The following DCAF4 variants were observed in gnomAD, a reference collection of about 807,000 sequenced individuals.
The protein encoded by DCAF4 is DDB1 and CUL4 associated factor 4.
A neutral mutation model predicts 60.9 loss-of-function variants in DCAF4; 37 were observed. The observed-to-expected ratio is 0.61, with a 90% CI of 0.47 to 0.80. The LOEUF (loss-of-function observed/expected upper bound fraction) is 0.80. DCAF4 is among the 30% of genes least tolerant of loss of function. DCAF4 has a pLI of 0.00. For synonymous variants in DCAF4, 243 were observed against 254.8 expected (o/e 0.95, Z 0.44); for missense variants, 577 against 650.0 (o/e 0.89, Z 1.22).
At chr14:72,958,577 T>C (rs1436413839) in intron 13 of DCAF4, 35 bp from the exon 14 acceptor site, 2 of 1,612,886 alleles carry the variant, frequency 1.2e-6, no homozygotes, top group Admixed American at 1.7e-5. Context: ...TTGCATTCTC[T>C]CACTAGCCTG....
chr14:72,954,379 C>T lies in DCAF4; in HGVS notation c.908-7C>T, dbSNP rs746320393. 4.5e-5 allele frequency: 73 copies of T among 1,614,096 alleles called. No individual in the cohort carries two copies. The highest frequency in any genetic ancestry group is 6.1e-5 in the Non-Finnish European group (72 of 1,180,010). ...TAATCTTACCAGCCCATCTCTGTCT[C>T]CGCCAGGCTTGTCTCGGCGGGTCCT... On this transcript the variant is annotated splice_region_variant and splice_polypyrimidine_tract_variant and intron_variant, in intron 10 of 13. Transcript: ENST00000358377.
At chr14:72,931,510 G>C (rs1446321842) in intron 1 of DCAF4, among the ~76,000 whole-genome samples, 2 of 152,006 alleles carry the variant, frequency 1.3e-5, no homozygotes, top group Non-Finnish European at 2.9e-5. Context: ...ATCATGTTTG[G>C]TTGCCTTTTC....
At chr14:72,952,398 C>T (rs952599851) in intron 9 of DCAF4, among the ~76,000 whole-genome samples, 2 of 152,196 alleles carry the variant, frequency 1.3e-5, no homozygotes, top group African/African-American at 2.4e-5. Flanking sequence ...TGTTGAACCT[C>T]TCTAAAGTGG....
downstream of DCAF4, chr14:72,960,549 C>A: frequency 1.0e-6 from 1 of 988,802 alleles, no homozygotes; most frequent in Non-Finnish European, 1.2e-6. Context: ...CACTGTGCCC[C>A]CTCAGCATTG....
At chr14:72,961,102 G>A (rs1892802252), downstream of DCAF4, among the ~76,000 whole-genome samples, 3 of 151,906 alleles carry the variant, frequency 2.0e-5, no homozygotes, top group African/African-American at 7.3e-5. Context: ...TCCCAGGCTG[G>A]TCTTGAACTC....
chr14:72,942,466 T>C (rs1255067321), intron 5 of DCAF4: 1 of 155,970 alleles, frequency 6.4e-6, no homozygotes, highest in African/African-American at 2.4e-5. Context: ...CCCTCGGACC[T>C]TGGAGCAGGG....
At chr14:72,950,188 G>A (rs1477039860) in intron 8 of DCAF4, among the ~76,000 whole-genome samples, 2 of 152,192 alleles carry the variant, frequency 1.3e-5, no homozygotes, top group Admixed American at 1.3e-4. Flanking sequence ...GGCATTGTTG[G>A]GGGATAGACG....
chr14:72,941,956 C>G, intron 5 of DCAF4, 132 bp downstream of exon 5: 4 of 870,632 alleles, frequency 4.6e-6, no homozygotes, highest in Non-Finnish European at 7.2e-6. Flanking sequence ...TTGAGGGGCT[C>G]CAGTTCACAC....
chr14:72,956,336 C>T, intron 12 of DCAF4, 50 bp from the exon 13 acceptor site: 1 of 1,458,832 alleles, frequency 6.9e-7, no homozygotes, highest in South Asian at 1.4e-5. Context: ...TGGGGACCAC[C>T]ATGGTACCCC....
intron 8 of DCAF4, among the ~76,000 whole-genome samples, chr14:72,948,924 G>A (rs182479358): frequency 1.4e-4 from 21 of 152,304 alleles, no homozygotes; most frequent in African/African-American, 3.4e-4. Flanking sequence ...GCCTGGCTCC[G>A]TAAGTACTCA....
intron 8 of DCAF4, among the ~76,000 whole-genome samples, chr14:72,950,110 G>C (rs1011333964): frequency 6.6e-6 from 1 of 152,194 alleles, no homozygotes. Flanking sequence ...CTGAATGCTC[G>C]CTCAGGGCTG....
At chr14:72,945,082 C>A (rs1472820347) in intron 6 of DCAF4, among the ~76,000 whole-genome samples, 1 of 151,538 alleles carries the variant, frequency 6.6e-6, no homozygotes, top group Non-Finnish European at 1.5e-5. Context: ...GAGTAAGACT[C>A]CCTCTCAAAA....
chr14:72,947,869 TAC>T (rs1265770909), intron 8 of DCAF4, among the ~76,000 whole-genome samples: 1 of 152,198 alleles, frequency 6.6e-6, no homozygotes, highest in African/African-American at 2.4e-5. Context: ...AGCACGGTAG[TAC>T]AGTGTCGTGG....
Position 72,958,959 on chromosome 14 carries a change from G to C in DCAF4, c.*154G>C, listed in dbSNP as rs554693543. On this transcript the variant is annotated 3_prime_UTR_variant, in exon 14 of 14. Coordinates refer to ENST00000358377, the MANE Select transcript of DCAF4 (RefSeq NM_015604.4). ...GAGAGAAGTGCTGAATGTTCCGTGTGGAGATGCTCAGGAAAGTTATTTGAG... is the reference window on the plus strand; with the variant it reads ...GAGAGAAGTGCTGAATGTTCCGTGTCGAGATGCTCAGGAAAGTTATTTGAG... 196 of 1,328,694 alleles carry C rather than the reference G, an allele frequency of 1.5e-4. 1 individual carries two copies. The highest frequency in any genetic ancestry group is 2.8e-4 in the Middle Eastern group (1 of 3,636). 82.3% of individuals were successfully genotyped at this position (1,328,694 alleles called of 1,614,324 possible).
At chr14:72,929,929 A>G in intron 1 of DCAF4, 1 of 1,105,704 alleles carries the variant, frequency 9.0e-7, no homozygotes, top group South Asian at 1.3e-5. Context: ...GCGCAGAGCC[A>G]TGGCTGCTGC....
In DCAF4 at chr14:72,939,861, C is replaced by A; in HGVS notation, c.152C>A (p.Pro51Gln). 6.2e-7 allele frequency: 1 copy of A among 1,612,098 alleles called. No homozygotes were observed. Among genetic ancestry groups the A allele is most frequent in the Non-Finnish European group, 8.5e-7 (1 of 1,179,156 alleles). The change falls in exon 3 of 14, where the codon CCG becomes CAG. Residue 51 changes from proline to glutamine, a missense_variant. By Grantham distance (76) the Pro-to-Gln change is moderately conservative. Coordinates refer to ENST00000358377, the MANE Select transcript of DCAF4 (RefSeq NM_015604.4). ...TCCGGCCACGGTGATGACGAGTCTC[C>A]GTCAACCTCGTCTGGCACAGCTGGG... Reference protein sequence around the residue: ...HDSGHGDDESPSTSSGTAGTS... With the variant: ...HDSGHGDDESQSTSSGTAGTS...
intron 1 of DCAF4, among the ~76,000 whole-genome samples, chr14:72,932,945 C>T (rs899216684): frequency 1.3e-5 from 2 of 151,808 alleles, no homozygotes; most frequent in South Asian, 2.1e-4. Context: ...TGCTATGTTG[C>T]GCAGGCTGGT....
chr14:72,940,139 G>A (rs1889832058), intron 3 of DCAF4, 81 bp from the exon 4 acceptor site: 2 of 1,559,512 alleles, frequency 1.3e-6, no homozygotes, highest in Middle Eastern at 1.7e-4. Flanking sequence ...CACGAGGTGG[G>A]GGGACAGGCC....
At chr14:72,928,362 T>A (rs939638230) in intron 1 of DCAF4, among the ~76,000 whole-genome samples, 1 of 149,326 alleles carries the variant, frequency 6.7e-6, no homozygotes, top group Non-Finnish European at 1.5e-5. Context: ...CCCGGCTAAC[T>A]TTTTGTATTT....
Sources: gnomAD v4.1 joint callset for allele counts (sites outside exome capture counted in the v4.1 genomes callset) on GRCh38, gnomAD v4.1.1 for gene constraint, MANE v1.5 for transcripts, NCBI Gene and HGNC (gene_info 2026-07-23, HGNC 2026-07-21) for gene names.